Variants in FHAD1 observed in about 807,000 individuals in gnomAD.
The protein encoded by FHAD1 is forkhead-associated domain-containing protein 1.
Under a neutral mutation model 191.3 loss-of-function variants are expected in FHAD1, and 146 were observed. The ratio of observed to expected loss-of-function variants is 0.76; its 90% confidence interval spans 0.67 to 0.88. The LOEUF is 0.88. Among genes scored for constraint, FHAD1 ranks in the 40% least tolerant of loss-of-function variants. The pLI is 0.00. For missense variants in FHAD1, 1,635 were observed against 1,785.8 expected (o/e 0.92, Z 1.52); for synonymous variants, 616 against 672.3 (o/e 0.92, Z 1.29).
intron 2 of FHAD1, among the ~76,000 whole-genome samples, chr1:15,257,847 G>A (rs982882577): frequency 6.6e-6 from 1 of 151,982 alleles, no homozygotes; most frequent in African/African-American, 2.4e-5. Flanking sequence ...TGTTTTTTTG[G>A]GGGGAGGGGA....
chr1:15,400,649 G>T (rs1252379027), downstream of FHAD1, among the ~76,000 whole-genome samples: 1 of 152,202 alleles, frequency 6.6e-6, no homozygotes, highest in Non-Finnish European at 1.5e-5. Context: ...ATGGACAAAA[G>T]AACTCCCCAT....
At chr1:15,368,873 G>A (rs1179880991) in intron 25 of FHAD1, among the ~76,000 whole-genome samples, 1 of 152,126 alleles carries the variant, frequency 6.6e-6, no homozygotes, top group African/African-American at 2.4e-5. Context: ...GGGAGGCGGA[G>A]GTTGCAGTGA....
rs937430456 is a variant in FHAD1 at position 15,381,320 on chromosome 1, G to A, written c.3891G>A (p.Glu1297=). Residue 1297 remains glutamate, a synonymous_variant, in exon 30 of 34, where the codon GAG becomes GAA. Coordinates refer to ENST00000688493, the MANE Select transcript of FHAD1 (RefSeq NM_001391957.1). This position sits in a 1 kb window ranked among gnomAD's most constrained non-coding sequence, Gnocchi z 4.6. ...HVSMKYLSRQ[E]REKVNQLRQR... is the part of the protein sequence containing the mutation. ...CCATGAAATACCTCTCCCGCCAGGAGAGGGAGAAGGTCAACCAGCTTCGAC... is the reference window on the plus strand; with the variant it reads ...CCATGAAATACCTCTCCCGCCAGGAAAGGGAGAAGGTCAACCAGCTTCGAC... The A allele has an allele frequency of 3.9e-6, 6 of 1,551,650 alleles. No homozygotes were observed. The African/African-American group carries it at 8.2e-5, about 21-fold the overall frequency.
intron 23 of FHAD1, 57 bp downstream of exon 23, chr1:15,362,783 G>A: frequency 1.5e-6 from 2 of 1,376,986 alleles, no homozygotes; most frequent in Non-Finnish European, 2.0e-6. Context: ...ACCTGGGTGG[G>A]GGCAAACAGG....
intron 4 of FHAD1, among the ~76,000 whole-genome samples, chr1:15,294,875 C>G (rs1027876535): frequency 6.6e-5 from 10 of 152,058 alleles, no homozygotes; most frequent in East Asian, 5.8e-4. Flanking sequence ...CCCTTCTCCT[C>G]GAACAGGCAG....
intron 14 of FHAD1, among the ~76,000 whole-genome samples, chr1:15,336,887 C>T (rs577309809): frequency 6.6e-6 from 1 of 152,352 alleles, no homozygotes; most frequent in African/African-American, 2.4e-5. Flanking sequence ...TGATCTTTTC[C>T]ATTCATTCCC....
At chr1:15,296,656 T>G (rs1185648193) in intron 4 of FHAD1, 28 bp from the exon 5 acceptor site, 1 of 1,537,744 alleles carries the variant, frequency 6.5e-7, no homozygotes, top group South Asian at 1.2e-5. Flanking sequence ...TGATGTCTTT[T>G]GTGCTCTCTG....
chr1:15,317,909 C>T lies in FHAD1; in HGVS notation c.1346C>T (p.Thr449Ile). ...ACTGAACAAAGCGTGATCTCTAGGA[C>T]TCTGAGAGAAAAAAGCAAGGTACGT... ...SCTEQSVISR[T>I]LREKSKVEEK... Residue 449 changes from threonine to isoleucine, a missense_variant, in exon 10 of 34, where the codon ACT (threonine) becomes ATT (isoleucine). Transcript: ENST00000688493. 6.4e-7 allele frequency: 1 copy of T among 1,551,302 alleles called. No homozygotes were observed. Among genetic ancestry groups the T allele is most frequent in the Non-Finnish European group, 8.7e-7 (1 of 1,146,620 alleles).
At chr1:15,375,878 A>G (rs1699429901) in intron 28 of FHAD1, 148 bp downstream of exon 28, 3 of 781,352 alleles carry the variant, frequency 3.8e-6, no homozygotes, top group Admixed American at 3.5e-5. Context: ...GGCCCCGACC[A>G]TACCCGTTGT....
chr1:15,290,691 GA>G (rs1454361118), intron 4 of FHAD1, among the ~76,000 whole-genome samples: 2 of 144,376 alleles, frequency 1.4e-5, no homozygotes, highest in Non-Finnish European at 3.0e-5. Context: ...ATTTTAATAT[GA>G]ACTTTTTTTT....
At chr1:15,277,715 A>G (rs1460452914) in intron 3 of FHAD1, among the ~76,000 whole-genome samples, 5 of 152,174 alleles carry the variant, frequency 3.3e-5, no homozygotes, top group African/African-American at 1.2e-4. Flanking sequence ...GCCACCGATG[A>G]TAGAAGAAAA....
chr1:15,308,576 G>A (rs1671271150), intron 6 of FHAD1, 37 bp from the exon 7 acceptor site: 1 of 1,549,886 alleles, frequency 6.5e-7, no homozygotes, highest in African/African-American at 1.4e-5. Flanking sequence ...CCAGACGTGG[G>A]CCAGCCCCCC....
chr1:15,317,936 G>C lies in FHAD1; in HGVS notation c.1365+8G>C. The C allele has an allele frequency of 6.5e-7, 1 of 1,530,822 alleles. No homozygotes were observed. Among genetic ancestry groups the C allele is most frequent in the Non-Finnish European group, 8.9e-7 (1 of 1,127,990 alleles). 94.8% of individuals were successfully genotyped at this position (1,530,822 alleles called of 1,614,324 possible). On this transcript the variant is annotated splice_region_variant and intron_variant, in intron 10 of 33. Transcript: ENST00000688493. Reference sequence around the variant, plus strand: ...CTGAGAGAAAAAAGCAAGGTACGTAGTGGACAACAGGCCCAGAGAGTGGTG... The same window carrying C: ...CTGAGAGAAAAAAGCAAGGTACGTACTGGACAACAGGCCCAGAGAGTGGTG...
intron 1 of FHAD1, among the ~76,000 whole-genome samples, chr1:15,238,966 G>A (rs1320290283): frequency 1.3e-5 from 2 of 152,216 alleles, no homozygotes; most frequent in African/African-American, 4.8e-5. Flanking sequence ...GGAGTGCAGT[G>A]GCATGATCAT....
chr1:15,242,113 G>T (rs535562862), intron 1 of FHAD1, among the ~76,000 whole-genome samples: 1 of 151,606 alleles, frequency 6.6e-6, no homozygotes, highest in East Asian at 2.0e-4. Context: ...TGTGGCTGTA[G>T]TCCCAGCTAC....
Position 15,317,890 on chromosome 1 carries a change from C to T in FHAD1, c.1327C>T (p.Gln443Ter). The change falls in exon 10 of 34, where the codon CAA becomes TAA. Residue 443 changes from glutamine (Q) to a stop codon, truncating the protein, a stop_gained. Transcript: ENST00000688493. LOFTEE classifies it high-confidence loss of function. ...RAELRKSCTE[Q>*]SVISRTLREK... ...AGAGCTGAGGAAGAGTTGTACTGAA[C>T]AAAGCGTGATCTCTAGGACTCTGAG... 1 of 1,551,684 alleles carries T rather than the reference C, an allele frequency of 6.4e-7. No homozygotes were observed. The highest frequency in any genetic ancestry group is 8.7e-7 in the Non-Finnish European group (1 of 1,146,938).
chr1:15,293,514 CT>C (rs1665670208), intron 4 of FHAD1, among the ~76,000 whole-genome samples: 1 of 152,076 alleles, frequency 6.6e-6, no homozygotes, highest in African/African-American at 2.4e-5. Context: ...GGTCGGGAGT[CT>C]GAGACCAGCC....
chr1:15,311,939 G>A lies in FHAD1; in HGVS notation c.1040-1118G>A, dbSNP rs183833788. ...TGTCATGTCATCTAAAGCCCGACTA[G>A]GGCTCGAGGATCCCCTTCTGGAATG... On this transcript the variant is annotated intron_variant, in intron 7 of 33. Coordinates refer to ENST00000688493, the MANE Select transcript of FHAD1 (RefSeq NM_001391957.1). The surrounding 1 kb of genome is among the most constrained non-coding windows in gnomAD (Gnocchi z 4.1). 6.0e-4 allele frequency among the ~76,000 whole-genome samples: 92 copies of A among 152,330 alleles called. No homozygotes were observed. Among genetic ancestry groups the A allele is most frequent in the African/African-American group, 2.1e-3 (87 of 41,584 alleles).
rs926850347 is a variant in FHAD1 at position 15,379,902 on chromosome 1, G to A, written c.3706-799G>A. Among the ~76,000 whole-genome samples, 4 of 152,288 alleles carry A rather than the reference G, an allele frequency of 2.6e-5. No individual in the cohort carries two copies. In the East Asian group the frequency reaches 7.7e-4, roughly 29 times the overall value. On this transcript the variant is annotated intron_variant, in intron 28 of 33. Coordinates refer to ENST00000688493, the MANE Select transcript of FHAD1 (RefSeq NM_001391957.1). ...AGAAGAATTTGTCTTAGTACAGAAC[G>A]AAATGGAGTCTCCCATGTCTACTTC...
Sources: allele counts gnomAD v4.1 joint callset (sites outside exome capture counted in the v4.1 genomes callset), GRCh38; gene constraint gnomAD v4.1.1; non-coding constraint Gnocchi (gnomAD v3.1); transcripts MANE v1.5; gene names NCBI Gene and HGNC (gene_info 2026-07-23, HGNC 2026-07-21).